Variants in ZFR2 observed in about 807,000 individuals in gnomAD.
ZFR2 encodes the protein zinc finger RNA-binding protein 2.
ZFR2 carries 104 observed loss-of-function variants against 105.7 expected under a neutral mutation model. The observed-to-expected ratio is 0.98, with a 90% confidence interval of 0.84 to 1.16. The LOEUF (loss-of-function observed/expected upper bound fraction) is 1.16, where lower values mean the gene tolerates loss of function less well. Ranked by LOEUF, ZFR2 falls within the 50% of genes most tolerant of loss-of-function variation. ZFR2 has a pLI of 0.00. For synonymous variants in ZFR2, 634 were observed against 597.7 expected (o/e 1.06, Z -0.89); for missense variants, 1,425 against 1,355.5 (o/e 1.05, Z -0.80).
At chr19:3,851,408 C>T (rs918608597) in intron 1 of ZFR2, among the ~76,000 whole-genome samples, 1 of 152,218 alleles carries the variant, frequency 6.6e-6, no homozygotes, top group Admixed American at 6.5e-5. Flanking sequence ...ACTTGGCCTG[C>T]CTCATCTCAA....
chr19:3,867,251 A>T (rs956076970), intron 1 of ZFR2, among the ~76,000 whole-genome samples: 2 of 150,298 alleles, frequency 1.3e-5, no homozygotes, highest in African/African-American at 4.9e-5. Context: ...AGGTTATAGC[A>T]AGCTACCAGC....
intron 1 of ZFR2, among the ~76,000 whole-genome samples, chr19:3,837,265 C>T (rs891968112): frequency 1.3e-5 from 2 of 152,206 alleles, no homozygotes; most frequent in African/African-American, 4.8e-5. Flanking sequence ...CATTTTCACA[C>T]ACTTGTCCTG....
intron 1 of ZFR2, among the ~76,000 whole-genome samples, chr19:3,867,789 C>G (rs2038449379): frequency 6.6e-6 from 1 of 152,050 alleles, no homozygotes; most frequent in Non-Finnish European, 1.5e-5. Flanking sequence ...CCCCACCAAC[C>G]TCGGTTTCCG....
Position 3,834,069 on chromosome 19 carries a change from G to A in ZFR2, c.265-291C>T, listed in dbSNP as rs1447911723. On this transcript the variant is annotated intron_variant, in intron 2 of 18. Coordinates refer to ENST00000262961, the MANE Select transcript of ZFR2 (RefSeq NM_015174.2). This position sits in a 1 kb window ranked among gnomAD's most constrained non-coding sequence, Gnocchi z 5.3. ...TGGTGCGGCAGGAGAGGGCGGGTTTGCAGGGAGAAGCCCCCGAGGCCTTGG... is the reference window on the plus strand; with the variant it reads ...TGGTGCGGCAGGAGAGGGCGGGTTTACAGGGAGAAGCCCCCGAGGCCTTGG... 1.3e-5 allele frequency among the ~76,000 whole-genome samples: 2 copies of A among 152,190 alleles called. No homozygotes were observed. Among genetic ancestry groups the A allele is most frequent in the East Asian group, 1.9e-4 (1 of 5,196 alleles).
intron 1 of ZFR2, among the ~76,000 whole-genome samples, chr19:3,848,989 G>A (rs533197019): frequency 1.5e-4 from 21 of 144,398 alleles, no homozygotes; most frequent in Middle Eastern, 3.6e-3. Flanking sequence ...GCGAGACTCC[G>A]TCTCAAAACA....
Position 3,808,660 on chromosome 19 carries a change from C to T in ZFR2, c.2545+212G>A, listed in dbSNP as rs192031528. Among the ~76,000 whole-genome samples the T allele has an allele frequency of 9.8e-4, 149 of 152,350 alleles. 2 individuals carry two copies. The East Asian group carries it at 0.02, about 20-fold the overall frequency. ...GCTGAGCCCTCCCTTCCGGGACCTG[C>T]GTGTCTGTGCCCTGCGTGCAGGGTG... On this transcript the variant is annotated intron_variant, in intron 17 of 18. Transcript: ENST00000262961.
chr19:3,827,412 G>A (rs2037962513), intron 6 of ZFR2, 59 bp downstream of exon 6: 28 of 1,453,368 alleles, frequency 1.9e-5, no homozygotes, highest in Non-Finnish European at 2.5e-5. Flanking sequence ...TGGGTCCCAA[G>A]TGCTGACCTG....
In ZFR2 at chr19:3,805,040, T is replaced by TG. The variant is rs2037682179; in HGVS notation, c.*908dup. The TG allele has an allele frequency of 6.6e-6, 1 of 151,438 alleles. No individual in the cohort carries two copies. The highest frequency in any genetic ancestry group is 1.5e-5 in the Non-Finnish European group (1 of 67,856). 9.4% of individuals were successfully genotyped at this position (151,438 alleles called of 1,614,324 possible). A position where few individuals can be genotyped will look rare whatever the true frequency, so the allele number is the denominator to read the frequency against. ...GACTACAGGCTTGGGCCACCACAACTGGCTAATTTTTTGTAGAGATGGGGT... is the reference window on the plus strand; with the variant it reads ...GACTACAGGCTTGGGCCACCACAACTGGGCTAATTTTTTGTAGAGATGGGGT... On this transcript the variant is annotated 3_prime_UTR_variant, in exon 19 of 19. Coordinates refer to ENST00000262961, the MANE Select transcript of ZFR2 (RefSeq NM_015174.2).
chr19:3,865,782 T>C (rs1225499653), intron 1 of ZFR2, among the ~76,000 whole-genome samples: 3 of 152,136 alleles, frequency 2.0e-5, no homozygotes, highest in African/African-American at 7.2e-5. Context: ...TGCCATAAAA[T>C]TGGTACACAA....
intron 6 of ZFR2, among the ~76,000 whole-genome samples, chr19:3,826,889 C>T (rs1363801320): frequency 6.6e-6 from 1 of 152,150 alleles, no homozygotes; most frequent in African/African-American, 2.4e-5. Flanking sequence ...CTTGGAAGTC[C>T]GGGTGTGAGT....
intron 10 of ZFR2, among the ~76,000 whole-genome samples, chr19:3,820,756 AACACCAGGGGACAGAGGG>A (rs1391956071): frequency 1.2e-5 from 1 of 80,312 alleles, no homozygotes; most frequent in African/African-American, 4.7e-5. Flanking sequence ...GAGACACAGG[AACACCAGGGGACAGAGGG>A]ACACCAGGGG....
chr19:3,837,218 A>G (rs1255642089), intron 1 of ZFR2, among the ~76,000 whole-genome samples: 1 of 152,170 alleles, frequency 6.6e-6, no homozygotes, highest in Non-Finnish European at 1.5e-5. Flanking sequence ...GCTCACTGCA[A>G]CCTTTGCCTC....
rs2037828470 is a variant in ZFR2 at position 3,816,741 on chromosome 19, A to G, written c.2036T>C (p.Leu679Pro). The G allele has an allele frequency of 6.2e-7, 1 of 1,612,486 alleles. No homozygotes were observed. The highest frequency in any genetic ancestry group is 1.1e-5 in the South Asian group (1 of 91,012). The change falls in exon 13 of 19, where the codon CTC (leucine) becomes CCC (proline). Residue 679 changes from leucine (L) to proline (P), a missense_variant. By Grantham distance (98) the Leu-to-Pro change is moderately conservative. Transcript: ENST00000262961. ...GCTGTGCGTGGGCTTCTCGGAGCAG[A>G]GCAGAGCGAGGCGCACGTTCCTGTC... ...RGDRNVRLAL[L>P]CSEKPTHSLL...
At position 3,805,795 on chromosome 19, in the gene ZFR2, T is replaced by C. The variant is rs4807513; in HGVS notation, c.*154A>G. 0.47 allele frequency: 426,923 copies of C among 909,726 alleles called. 102,160 individuals are homozygous for C. Among genetic ancestry groups the C allele is most frequent in the African/African-American group, 0.65 (36,928 of 56,970 alleles). 56.4% of individuals were successfully genotyped at this position (909,726 alleles called of 1,614,324 possible). On this transcript the variant is annotated 3_prime_UTR_variant, in exon 19 of 19. Coordinates refer to ENST00000262961, the MANE Select transcript of ZFR2 (RefSeq NM_015174.2). ...TAAAGGCATGAGCCACAGTGCCCGG[T>C]CTGAAGCACAGGTGTTTTAAAGGAA...
rs575595540 is a variant in ZFR2 at position 3,833,393 on chromosome 19, T to G, written c.379+271A>C. On this transcript the variant is annotated intron_variant, in intron 3 of 18. Coordinates refer to ENST00000262961, the MANE Select transcript of ZFR2 (RefSeq NM_015174.2). ...AGATGGAGACCATCCTGGCTAATAC[T>G]GTGAAACCCCGTCTCTACTAAAAAT... is the stretch of plus-strand genomic sequence containing the variant. The G allele has an allele frequency of 2.9e-4, 90 of 305,668 alleles. 1 individual carries two copies. The highest frequency in any genetic ancestry group is 2.2e-3 in the Middle Eastern group (2 of 924). 18.9% of individuals were successfully genotyped at this position (305,668 alleles called of 1,614,324 possible). A position where few individuals can be genotyped will look rare whatever the true frequency, so the allele number is the denominator to read the frequency against.
chr19:3,856,241 G>A (rs1423184593), intron 1 of ZFR2, among the ~76,000 whole-genome samples: 1 of 152,162 alleles, frequency 6.6e-6, no homozygotes. Flanking sequence ...TTGGAGAAGC[G>A]TGCAGGCGCT....
chr19:3,834,854 C>T lies in ZFR2; in HGVS notation c.183G>A (p.Gln61=), dbSNP rs1195340516. The T allele has an allele frequency of 6.2e-7, 1 of 1,611,792 alleles. No homozygotes were observed. Among genetic ancestry groups the T allele is most frequent in the Admixed American group, 1.7e-5 (1 of 59,844 alleles). The change falls in exon 2 of 19, where the codon CAG becomes CAA. Residue 61 remains glutamine, a synonymous_variant. Coordinates refer to ENST00000262961, the MANE Select transcript of ZFR2 (RefSeq NM_015174.2). This position sits in a 1 kb window ranked among gnomAD's most constrained non-coding sequence, Gnocchi z 5.3. The part of the protein sequence containing the change: ...PAAPAGYGGY[Q]PHSGQDFAYG... The stretch of plus-strand genomic sequence containing the variant: ...AGGCGAAGTCCTGGCCGGAGTGGGG[C>T]TGGTATCCACCGTACCCTGCCGGGG...
intron 1 of ZFR2, among the ~76,000 whole-genome samples, chr19:3,853,559 C>T (rs540076022): frequency 5.8e-4 from 89 of 152,222 alleles, no homozygotes; most frequent in African/African-American, 2.1e-3. Context: ...CATCACACCC[C>T]GTGAGAGAAG....
intron 1 of ZFR2, among the ~76,000 whole-genome samples, chr19:3,864,281 G>A (rs998563144): frequency 6.6e-6 from 1 of 152,070 alleles, no homozygotes; most frequent in Non-Finnish European, 1.5e-5. Context: ...AGGAAGCTGA[G>A]GGGGGAAGAC....
Sources: gnomAD v4.1 joint callset for allele counts (sites outside exome capture counted in the v4.1 genomes callset) on GRCh38, gnomAD v4.1.1 for gene constraint, Gnocchi (gnomAD v3.1) non-coding constraint, MANE v1.5 for transcripts, NCBI Gene and HGNC (gene_info 2026-07-23, HGNC 2026-07-21) for gene names.